Variants in CSMD2 observed in about 807,000 individuals in gnomAD.
CSMD2 encodes the protein CUB and sushi domain-containing protein 2.
A neutral mutation model predicts 398.5 loss-of-function variants in CSMD2; 130 were observed. The ratio of observed to expected loss-of-function variants is 0.33; its 90% CI spans 0.28 to 0.38. CSMD2 has a LOEUF of 0.38. Among genes scored for constraint, CSMD2 ranks in the 10% least tolerant of loss-of-function variants. The pLI, the probability that CSMD2 is intolerant of heterozygous loss-of-function variation, is 1.00. For missense variants in CSMD2, 3,829 were observed against 4,764.9 expected, an observed-to-expected ratio of 0.80 and a Z score of 5.78; for synonymous variants, 1,828 against 1,908.5, an observed-to-expected ratio of 0.96 and a Z score of 1.10.
chr1:33,752,272 G>A lies in CSMD2; in HGVS notation c.1847-8666C>T, dbSNP rs186189678. Among the ~76,000 whole-genome samples the A allele has an allele frequency of 4.6e-5, 7 of 152,308 alleles. No homozygotes were observed. In the East Asian group the frequency reaches 1.4e-3, roughly 29 times the overall value. On this transcript the variant is annotated intron_variant, in intron 13 of 70. Coordinates refer to ENST00000373381, the MANE Select transcript of CSMD2 (RefSeq NM_001281956.2). ...GGTTGGGCCTGGTGGGACTCATGGG[G>A]GCAGATCCCTCTTGAATGGCTTAGC...
chr1:33,563,624 C>T (rs1658780473), intron 53 of CSMD2, among the ~76,000 whole-genome samples: 1 of 152,058 alleles, frequency 6.6e-6, no homozygotes, highest in African/African-American at 2.4e-5. Flanking sequence ...TTTCAGAGGA[C>T]TCAAGATATT....
At chr1:33,769,388 G>GGT (rs1258521354) in intron 13 of CSMD2, among the ~76,000 whole-genome samples, 1 of 152,172 alleles carries the variant, frequency 6.6e-6, no homozygotes, top group Non-Finnish European at 1.5e-5. Flanking sequence ...GATGGAAAGT[G>GGT]GTATTACTTC....
chr1:33,816,066 C>G (rs894521661), intron 9 of CSMD2, among the ~76,000 whole-genome samples: 1 of 151,874 alleles, frequency 6.6e-6, no homozygotes, highest in African/African-American at 2.4e-5. Flanking sequence ...GTTTTACTGC[C>G]CTTTTACAGA....
At chr1:33,576,053 G>A (rs1398093028) in intron 49 of CSMD2, among the ~76,000 whole-genome samples, 1 of 152,144 alleles carries the variant, frequency 6.6e-6, no homozygotes, top group East Asian at 1.9e-4. Context: ...CTATACATGA[G>A]GACAAACTTT....
intron 3 of CSMD2, among the ~76,000 whole-genome samples, chr1:34,019,154 A>G (rs754011941): frequency 6.6e-6 from 1 of 152,246 alleles, no homozygotes; most frequent in Non-Finnish European, 1.5e-5. Flanking sequence ...TAAGGCACTT[A>G]GAAGAGTGCC....
chr1:33,831,937 G>A, intron 6 of CSMD2, among the ~76,000 whole-genome samples: 1 of 151,760 alleles, frequency 6.6e-6, no homozygotes, highest in East Asian at 1.9e-4. Flanking sequence ...AATGGTAAAG[G>A]GATCAATTCA....
chr1:34,110,953 G>A (rs902348335), intron 1 of CSMD2, among the ~76,000 whole-genome samples: 2 of 151,994 alleles, frequency 1.3e-5, no homozygotes, highest in South Asian at 2.1e-4. Context: ...TACTTCCATC[G>A]CTGGCACCTC....
chr1:33,848,174 G>C (rs907204584), intron 5 of CSMD2, among the ~76,000 whole-genome samples: 1 of 152,160 alleles, frequency 6.6e-6, no homozygotes, highest in Admixed American at 6.5e-5. Context: ...GGCCGACTAT[G>C]GGGGAACCAC....
intron 5 of CSMD2, among the ~76,000 whole-genome samples, chr1:33,895,764 C>T (rs1642347705): frequency 6.6e-6 from 1 of 152,152 alleles, no homozygotes; most frequent in South Asian, 2.1e-4. Context: ...GGGATGCAGG[C>T]TGTTCCCAGC....
intron 65 of CSMD2, 134 bp downstream of exon 65, chr1:33,527,062 C>A (rs1031426899): frequency 3.3e-5 from 27 of 824,680 alleles, no homozygotes; most frequent in Non-Finnish European, 5.7e-5. Context: ...GTAGGGAAAG[C>A]CATCCAGATT....
chr1:33,861,004 G>C (rs924523509), intron 5 of CSMD2: 5 of 152,170 alleles, frequency 3.3e-5, no homozygotes, highest in African/African-American at 1.2e-4. Flanking sequence ...TATCTTCTCT[G>C]TGCTTTGCTA....
chr1:33,993,984 A>G (rs1646645563), intron 3 of CSMD2, among the ~76,000 whole-genome samples: 1 of 152,160 alleles, frequency 6.6e-6, no homozygotes, highest in South Asian at 2.1e-4. Context: ...CTAAATGTGA[A>G]TGGGTTAAAT....
chr1:33,660,004 T>C (rs1235667644), intron 26 of CSMD2, among the ~76,000 whole-genome samples: 1 of 152,260 alleles, frequency 6.6e-6, no homozygotes, highest in African/African-American at 2.4e-5. Context: ...CTTTCATCTC[T>C]AGCTTTATAG....
chr1:34,070,537 A>G (rs1328482341), intron 2 of CSMD2, among the ~76,000 whole-genome samples: 1 of 152,200 alleles, frequency 6.6e-6, no homozygotes, highest in Non-Finnish European at 1.5e-5. Context: ...CTTCAATTGG[A>G]TTGTTGGGAG....
intron 4 of CSMD2, among the ~76,000 whole-genome samples, chr1:33,924,318 C>T (rs570236336): frequency 2.6e-5 from 4 of 152,212 alleles, no homozygotes; most frequent in South Asian, 2.1e-4. Context: ...GGACTATGGG[C>T]GCATGCCACT....
chr1:33,819,666 C>T, intron 9 of CSMD2, 47 bp downstream of exon 9: 1 of 1,586,704 alleles, frequency 6.3e-7, no homozygotes, highest in Non-Finnish European at 8.6e-7. Flanking sequence ...AGCCTCCAGG[C>T]TCAGCCCAAC....
intron 3 of CSMD2, among the ~76,000 whole-genome samples, chr1:34,026,522 C>A (rs140968109): frequency 6.6e-6 from 1 of 152,150 alleles, no homozygotes; most frequent in Admixed American, 6.5e-5. Flanking sequence ...GACTGAGACC[C>A]GACACTCAGA....
At chr1:33,940,593 C>A (rs1036058400) in intron 3 of CSMD2, among the ~76,000 whole-genome samples, 9 of 152,206 alleles carry the variant, frequency 5.9e-5, no homozygotes, top group African/African-American at 9.6e-5. Context: ...CATTCACTTG[C>A]TTGCCCAAGG....
rs371677530 is a variant in CSMD2 at position 33,743,281 on chromosome 1, G to C, written c.2172C>G (p.Thr724=). 1 of 1,596,602 alleles carries C rather than the reference G, an allele frequency of 6.3e-7. No individual in the cohort carries two copies. Residue 724 remains threonine (T), a splice_region_variant and synonymous_variant, in exon 14 of 71, where the codon ACC becomes ACG. Coordinates refer to ENST00000373381, the MANE Select transcript of CSMD2 (RefSeq NM_001281956.2). ...TGKRGFNITF[T]TFRHNECPDP... is the part of the protein sequence containing the mutation. ...GCTGGTGACAGAGGGAGGACTCACT[G>C]GTAAAAGTGATGTTGAAGCCCCTCT...
Sources: allele counts gnomAD v4.1 joint callset (sites outside exome capture counted in the v4.1 genomes callset), GRCh38; gene constraint gnomAD v4.1.1; transcripts MANE v1.5; gene names NCBI Gene and HGNC (gene_info 2026-07-23, HGNC 2026-07-21).